SCAMP2: variants seen among roughly 807,000 people sequenced by gnomAD.
SCAMP2 encodes the protein secretory carrier membrane protein 2.
A neutral mutation model predicts 44.1 loss-of-function variants in SCAMP2; 25 were observed. The ratio of observed to expected loss-of-function variants is 0.57; its 90% CI spans 0.41 to 0.79. SCAMP2 has a LOEUF of 0.79. Among genes scored for constraint, SCAMP2 ranks in the 30% least tolerant of loss-of-function variants. SCAMP2 has a pLI of 0.00. For missense variants in SCAMP2, 355 were observed against 411.0 expected (o/e 0.86, Z 1.18); for synonymous variants, 156 against 166.0 (o/e 0.94, Z 0.46).
At chr15:74,853,507 C>G in intron 3 of SCAMP2, 1 of 455,772 alleles carries the variant, frequency 2.2e-6, no homozygotes, top group Non-Finnish European at 4.4e-6. Flanking sequence ...CTGCAACACA[C>G]AACTCCACCA....
rs112203376 is a variant in SCAMP2 at position 74,854,865 on chromosome 15, G to A, written c.58-216C>T. 1.3e-3 allele frequency among the ~76,000 whole-genome samples: 198 copies of A among 152,186 alleles called. 1 individual carries two copies. Among genetic ancestry groups the A allele is most frequent in the African/African-American group, 4.5e-3 (188 of 41,542 alleles). On this transcript the variant is annotated intron_variant, in intron 1 of 8. Coordinates refer to ENST00000268099, the MANE Select transcript of SCAMP2 (RefSeq NM_005697.5). ...CCTGGAAAAGGTTCAGCCCAGAAGA[G>A]ACCCAGAGCAAGCTTTACCCAGAAG...
intron 1 of SCAMP2, among the ~76,000 whole-genome samples, chr15:74,856,292 T>A (rs56869626): frequency 1.1e-4 from 14 of 128,396 alleles, no homozygotes; most frequent in Non-Finnish European, 1.5e-4. Flanking sequence ...TTTTTTTTTT[T>A]AAGACAGAGT....
Position 74,854,702 on chromosome 15 carries a change from G to A in SCAMP2, c.58-53C>T. 7.9e-6 allele frequency: 12 copies of A among 1,515,880 alleles called. No individual in the cohort carries two copies. The South Asian group carries it at 1.4e-4, about 18-fold the overall frequency. The allele number at this position is 1,515,880 out of a possible 1,614,324, so 93.9% of individuals were successfully genotyped here. On this transcript the variant is annotated intron_variant, in intron 1 of 8. Coordinates refer to ENST00000268099, the MANE Select transcript of SCAMP2 (RefSeq NM_005697.5). ...CACAGTGGAGAAAATCCGGGCCAGG[G>A]GCCGGCAGGCGAGCCGGTGACGCCT...
intron 1 of SCAMP2, among the ~76,000 whole-genome samples, chr15:74,856,352 G>A (rs1432196887): frequency 1.5e-5 from 2 of 136,802 alleles, no homozygotes; most frequent in Admixed American, 8.4e-5. Context: ...TCCACTCACT[G>A]CAGCCTCCGC....
chr15:74,854,138 AAGAC>A lies in SCAMP2; in HGVS notation c.127-23_127-20del. The A allele has an allele frequency of 6.2e-7, 1 of 1,606,740 alleles. No individual in the cohort carries two copies. The highest frequency in any genetic ancestry group is 8.5e-7 in the Non-Finnish European group (1 of 1,173,214). ...CATTTGTCTACATGGAACAAATCAA[AAGAC>A]AGAATTGAGTGGGACTCCATTAGCT... On this transcript the variant is annotated intron_variant, in intron 2 of 8. Coordinates refer to ENST00000268099, the MANE Select transcript of SCAMP2 (RefSeq NM_005697.5).
At chr15:74,856,064 C>G (rs1477269661) in intron 1 of SCAMP2, among the ~76,000 whole-genome samples, 2 of 152,088 alleles carry the variant, frequency 1.3e-5, no homozygotes, top group East Asian at 1.9e-4. Flanking sequence ...GTAACAGATG[C>G]AGGGCTCAGG....
At chr15:74,870,634 C>T (rs572468587) in intron 1 of SCAMP2, among the ~76,000 whole-genome samples, 107 of 152,178 alleles carry the variant, frequency 7.0e-4, no homozygotes, top group Non-Finnish European at 1.2e-3. Context: ...AAGGTCCTTG[C>T]AAACGCTCTG....
At chr15:74,855,758 CA>C (rs2064465163) in intron 1 of SCAMP2, among the ~76,000 whole-genome samples, 1 of 142,754 alleles carries the variant, frequency 7.0e-6, no homozygotes, top group Non-Finnish European at 1.5e-5. Flanking sequence ...GTTTCTAGAA[CA>C]AAAACATGCT....
intron 1 of SCAMP2, among the ~76,000 whole-genome samples, chr15:74,856,371 C>A (rs764201845): frequency 6.9e-6 from 1 of 145,608 alleles, no homozygotes; most frequent in Non-Finnish European, 1.5e-5. Context: ...GCCTTCTGGG[C>A]TCAAGCTATT....
intron 1 of SCAMP2, 35 bp from the exon 2 acceptor site, chr15:74,854,684 G>T: frequency 6.4e-7 from 1 of 1,572,634 alleles, no homozygotes; most frequent in Non-Finnish European, 8.6e-7. Flanking sequence ...AGACACAGTG[G>T]AGAAAATCCG....
In SCAMP2 at chr15:74,850,587, A is replaced by T; in HGVS notation, c.559T>A (p.Ser187Thr). 6.2e-7 allele frequency: 1 copy of T among 1,614,178 alleles called. No homozygotes were observed. Among genetic ancestry groups the T allele is most frequent in the Non-Finnish European group, 8.5e-7 (1 of 1,180,004 alleles). Residue 187 changes from serine to threonine, a missense_variant, in exon 6 of 9, where the codon TCC becomes ACC. By Grantham distance (58) the Ser-to-Thr change is moderately conservative. Transcript: ENST00000268099. Reference sequence around the variant, plus strand: ...GTGAAGATCAGAAACCACAGGATGGAGAGGCCAAAGTCCACTCCCTTGGAG... The same window carrying T: ...GTGAAGATCAGAAACCACAGGATGGTGAGGCCAAAGTCCACTCCCTTGGAG... ...NSSKGVDFGLSILWFLIFTPC... is the reference protein window; with the variant it reads ...NSSKGVDFGLTILWFLIFTPC...
chr15:74,851,630 T>TG (rs2064436114), intron 4 of SCAMP2, 149 bp from the exon 5 acceptor site: 2 of 948,940 alleles, frequency 2.1e-6, no homozygotes, highest in African/African-American at 3.3e-5. Flanking sequence ...GAGCATGGAG[T>TG]GGGACAGAAC....
rs767206224 is a variant in SCAMP2 at position 74,848,711 on chromosome 15, G to A, written c.633-10C>T. 2 of 1,599,262 alleles carry A rather than the reference G, an allele frequency of 1.3e-6. No individual in the cohort carries two copies. Among genetic ancestry groups the A allele is most frequent in the African/African-American group, 2.7e-5 (2 of 74,564 alleles). On this transcript the variant is annotated splice_polypyrimidine_tract_variant and intron_variant, in intron 6 of 8. Coordinates refer to ENST00000268099, the MANE Select transcript of SCAMP2 (RefSeq NM_005697.5). Reference sequence around the variant, plus strand: ...GAAAGAGTTGTCGGACCTGTGGAGAGAGAGGGAAATAAGTCACAAGAGGGC... The same window carrying A: ...GAAAGAGTTGTCGGACCTGTGGAGAAAGAGGGAAATAAGTCACAAGAGGGC...
intron 1 of SCAMP2, among the ~76,000 whole-genome samples, chr15:74,867,031 G>A (rs1037329451): frequency 2.0e-5 from 3 of 152,164 alleles, no homozygotes. Flanking sequence ...TCCTGACCTT[G>A]TGATCCGCCC....
At chr15:74,862,690 C>G (rs1328617819) in intron 1 of SCAMP2, among the ~76,000 whole-genome samples, 1 of 150,870 alleles carries the variant, frequency 6.6e-6, no homozygotes, top group East Asian at 1.9e-4. Flanking sequence ...ATTTTAAAAA[C>G]ACATATACAT....
intron 7 of SCAMP2, among the ~76,000 whole-genome samples, chr15:74,846,832 A>T (rs894437128): frequency 6.6e-6 from 1 of 152,124 alleles, no homozygotes; most frequent in Non-Finnish European, 1.5e-5. Context: ...GGGAGTATGG[A>T]AAGCGTGGCT....
At chr15:74,853,174 G>C in intron 3 of SCAMP2, 1 of 338,192 alleles carries the variant, frequency 3.0e-6, no homozygotes, top group Non-Finnish European at 6.0e-6. Context: ...CACGCTGGGG[G>C]TCTTGACCTC....
In SCAMP2 at chr15:74,845,057, G is replaced by C. The variant is rs201655406; in HGVS notation, c.*26C>G. 33 of 1,605,756 alleles carry C rather than the reference G, an allele frequency of 2.1e-5. No individual in the cohort carries two copies. The highest frequency in any genetic ancestry group is 2.8e-5 in the Non-Finnish European group (33 of 1,173,826). Reference sequence around the variant, plus strand: ...AGCTCAGAAGGCAGGCGAGAGAAAGGCTGAGGGGGAGAGAAGAGAGGAGGA... The same window carrying C: ...AGCTCAGAAGGCAGGCGAGAGAAAGCCTGAGGGGGAGAGAAGAGAGGAGGA... On this transcript the variant is annotated 3_prime_UTR_variant, in exon 9 of 9. Transcript: ENST00000268099.
intron 3 of SCAMP2, chr15:74,853,376 GC>G (rs1567250744): frequency 2.2e-6 from 1 of 456,318 alleles, no homozygotes; most frequent in Non-Finnish European, 4.4e-6. Flanking sequence ...ACCTTCGGAA[GC>G]TTTCGCATGT....
Sources: gnomAD v4.1 joint callset for allele counts (sites outside exome capture counted in the v4.1 genomes callset) on GRCh38, gnomAD v4.1.1 for gene constraint, MANE v1.5 for transcripts, NCBI Gene and HGNC (gene_info 2026-07-23, HGNC 2026-07-21) for gene names.